CSMD2: variants seen among roughly 807,000 people sequenced by gnomAD.
The protein encoded by CSMD2 is CUB and sushi domain-containing protein 2.
In CSMD2, 130 loss-of-function variants were observed where a neutral mutation model predicts 398.5. The observed-to-expected ratio is 0.33, with a 90% CI of 0.28 to 0.38. The LOEUF is 0.38. CSMD2 is among the 10% of genes least tolerant of loss of function. The pLI is 1.00. For missense variants in CSMD2, 3,829 were observed against 4,764.9 expected (o/e 0.80, Z 5.78); for synonymous variants, 1,828 against 1,908.5 (o/e 0.96, Z 1.10).
At chr1:34,058,153 G>C (rs566839427) in intron 2 of CSMD2, among the ~76,000 whole-genome samples, 3 of 152,142 alleles carry the variant, frequency 2.0e-5, no homozygotes, top group South Asian at 2.1e-4. Context: ...AGGGTCCCAG[G>C]CTCCTGCATC....
intron 1 of CSMD2, among the ~76,000 whole-genome samples, chr1:34,160,028 G>A (rs1641186557): frequency 6.6e-6 from 1 of 152,222 alleles, no homozygotes; most frequent in Non-Finnish European, 1.5e-5. Context: ...GCTCTGCGGA[G>A]CAATCAGGTT....
At chr1:33,606,574 C>T (rs1392531206) in intron 41 of CSMD2, among the ~76,000 whole-genome samples, 1 of 152,198 alleles carries the variant, frequency 6.6e-6, no homozygotes, top group East Asian at 1.9e-4. Context: ...CCTGGCCCTG[C>T]AGCACGGGGG....
At chr1:34,004,044 G>C (rs567716949) in intron 3 of CSMD2, among the ~76,000 whole-genome samples, 24 of 152,220 alleles carry the variant, frequency 1.6e-4, no homozygotes, top group African/African-American at 5.5e-4. Flanking sequence ...CCATCCCTTA[G>C]TCCGCTGGGA....
chr1:33,586,649 T>G, intron 45 of CSMD2, 32 bp from the exon 46 acceptor site: 2 of 1,419,156 alleles, frequency 1.4e-6, no homozygotes, highest in Non-Finnish European at 2.0e-6. Flanking sequence ...GTAGACCCTC[T>G]TAAGAAGTCC....
chr1:33,980,255 C>G (rs912190737), intron 3 of CSMD2, among the ~76,000 whole-genome samples: 1 of 152,200 alleles, frequency 6.6e-6, no homozygotes, highest in Non-Finnish European at 1.5e-5. Context: ...ATCCCTCTCT[C>G]ATAAATGGGT....
intron 3 of CSMD2, among the ~76,000 whole-genome samples, chr1:33,956,337 G>A (rs752570032): frequency 1.3e-5 from 2 of 151,910 alleles, no homozygotes; most frequent in Non-Finnish European, 2.9e-5. Context: ...CCTCCTCCCA[G>A]GCCCTGGCAA....
intron 53 of CSMD2, among the ~76,000 whole-genome samples, chr1:33,563,049 A>G (rs1658719023): frequency 6.6e-6 from 1 of 152,368 alleles, no homozygotes; most frequent in Middle Eastern, 3.4e-3. Context: ...ATAAGGCATC[A>G]TTAGGAGGAA....
intron 44 of CSMD2, among the ~76,000 whole-genome samples, chr1:33,590,595 T>TCACACA (rs10611040): frequency 0.088 from 12,074 of 137,520 alleles, 726 homozygotes; most frequent in South Asian, 0.14. Context: ...CTATTTCCCA[T>TCACACA]CACACACACA....
intron 1 of CSMD2, among the ~76,000 whole-genome samples, chr1:34,107,298 T>C (rs1009579915): frequency 1.3e-5 from 2 of 152,158 alleles, no homozygotes; most frequent in African/African-American, 2.4e-5. Context: ...ATTTTGAAAA[T>C]AGTATTAAGC....
chr1:33,782,367 C>A (rs916198602), intron 12 of CSMD2, among the ~76,000 whole-genome samples: 2 of 152,152 alleles, frequency 1.3e-5, no homozygotes, highest in South Asian at 4.1e-4. Context: ...TCCAACTGAG[C>A]ATTTACTAAA....
chr1:33,995,297 G>T (rs487658), intron 3 of CSMD2, among the ~76,000 whole-genome samples: 1 of 152,156 alleles, frequency 6.6e-6, no homozygotes, highest in African/African-American at 2.4e-5. Context: ...GTATATGCAC[G>T]TGGGGTCTTT....
At chr1:34,148,493 T>C (rs981073225) in intron 1 of CSMD2, among the ~76,000 whole-genome samples, 3 of 152,062 alleles carry the variant, frequency 2.0e-5, no homozygotes, top group Admixed American at 1.3e-4. Flanking sequence ...GACGTGTAAT[T>C]CATTCATTCA....
At chr1:34,120,560 T>C (rs11581276) in intron 1 of CSMD2, among the ~76,000 whole-genome samples, 29,688 of 152,154 alleles carry the variant, frequency 0.2, 3,101 homozygotes, top group South Asian at 0.36. Flanking sequence ...ATTTCTTTTT[T>C]TGAGATTGAG....
intron 28 of CSMD2, among the ~76,000 whole-genome samples, chr1:33,648,617 G>C (rs1162667220): frequency 6.6e-6 from 1 of 152,146 alleles, no homozygotes; most frequent in Non-Finnish European, 1.5e-5. Context: ...ATTTTCTGAA[G>C]GGCCAAAGAA....
chr1:33,919,084 A>T (rs1219837473), intron 4 of CSMD2, among the ~76,000 whole-genome samples: 1 of 152,224 alleles, frequency 6.6e-6, no homozygotes, highest in Non-Finnish European at 1.5e-5. Flanking sequence ...TGCTCTTGGT[A>T]TCACCAAAAC....
At chr1:33,932,625 G>C (rs1369671081) in intron 4 of CSMD2, among the ~76,000 whole-genome samples, 5 of 152,172 alleles carry the variant, frequency 3.3e-5, no homozygotes, top group Admixed American at 1.3e-4. Flanking sequence ...AAAGACACTG[G>C]GTTGTGAGCC....
chr1:33,828,224 C>A (rs1570090), intron 6 of CSMD2, among the ~76,000 whole-genome samples: 1 of 152,136 alleles, frequency 6.6e-6, no homozygotes, highest in East Asian at 1.9e-4. Context: ...CATGGACACA[C>A]GATCAAACAG....
chr1:33,742,256 C>A (rs1032998520), intron 14 of CSMD2, among the ~76,000 whole-genome samples: 3 of 152,186 alleles, frequency 2.0e-5, no homozygotes, highest in Non-Finnish European at 4.4e-5. Context: ...ACCCAAATGG[C>A]CCACCAGGTA....
chr1:33,896,563 C>T (rs1570431529), intron 5 of CSMD2, among the ~76,000 whole-genome samples: 1 of 152,194 alleles, frequency 6.6e-6, no homozygotes, highest in Non-Finnish European at 1.5e-5. Flanking sequence ...CCACCTGTGC[C>T]TCAGTTTCTT....
Sources: gnomAD v4.1 joint callset for allele counts (sites outside exome capture counted in the v4.1 genomes callset) on GRCh38, gnomAD v4.1.1 for gene constraint, MANE v1.5 for transcripts, NCBI Gene and HGNC (gene_info 2026-07-23, HGNC 2026-07-21) for gene names.